The following TTC34 variants were observed in gnomAD, a reference collection of about 807,000 sequenced individuals.
TTC34 encodes tetratricopeptide repeat protein 34.
A neutral mutation model predicts 40.7 loss-of-function variants in TTC34; 44 were observed. The observed-to-expected ratio is 1.08, with a 90% CI of 0.85 to 1.39. The LOEUF (loss-of-function observed/expected upper bound fraction) is 1.39. Ranked by LOEUF, TTC34 falls within the 40% of genes most tolerant of loss-of-function variation. The probability of loss-of-function intolerance (pLI) is 0.00; values close to 1 mark genes in which losing one functional copy is unlikely to be tolerated. For missense variants in TTC34, 884 were observed against 838.0 expected, an observed-to-expected ratio of 1.05 and a Z score of -0.68; for synonymous variants, 422 against 398.6, an observed-to-expected ratio of 1.06 and a Z score of -0.70.
intron 6 of TTC34, among the ~76,000 whole-genome samples, chr1:2,674,868 G>T (rs1639837280): frequency 1.9e-5 from 2 of 104,384 alleles, no homozygotes; most frequent in African/African-American, 3.2e-5. Context: ...AGAGTCTGGA[G>T]CAGCGCCCAC....
chr1:2,684,951 C>A (rs547216292), intron 6 of TTC34, among the ~76,000 whole-genome samples: 1 of 134,178 alleles, frequency 7.5e-6, no homozygotes, highest in South Asian at 2.3e-4. Flanking sequence ...TGGAGCACCA[C>A]CCACACCCCC....
chr1:2,698,738 G>A (rs1241211052), intron 6 of TTC34, among the ~76,000 whole-genome samples: 3 of 141,636 alleles, frequency 2.1e-5, no homozygotes, highest in South Asian at 2.3e-4. Context: ...CCCCAGGCTT[G>A]CATCCGACAG....
At chr1:2,773,091 C>T (rs1642545510) in intron 6 of TTC34, among the ~76,000 whole-genome samples, 1 of 142,604 alleles carries the variant, frequency 7.0e-6, no homozygotes, top group Non-Finnish European at 1.5e-5. Context: ...TGGAGCAGCA[C>T]CCACACCCCC....
chr1:2,652,224 C>T (rs375975184), intron 6 of TTC34, among the ~76,000 whole-genome samples: 16 of 83,500 alleles, frequency 1.9e-4, no homozygotes, highest in South Asian at 3.3e-4. Context: ...GAGCATCTGA[C>T]GGCCTGGAAC....
intron 6 of TTC34, among the ~76,000 whole-genome samples, chr1:2,655,563 G>T (rs1377600020): frequency 7.7e-6 from 1 of 130,536 alleles, no homozygotes; most frequent in African/African-American, 3.0e-5. Context: ...GCCTGCAACA[G>T]CTCTCACAAC....
intron 6 of TTC34, among the ~76,000 whole-genome samples, chr1:2,761,222 T>C (rs1427123102): frequency 3.7e-5 from 1 of 27,160 alleles, no homozygotes; most frequent in Admixed American, 3.9e-4. Flanking sequence ...GAGGATGCGA[T>C]AGCCTGGAGC....
At chr1:2,752,455 C>T (rs1641354182) in intron 6 of TTC34, among the ~76,000 whole-genome samples, 10 of 144,296 alleles carry the variant, frequency 6.9e-5, no homozygotes, top group African/African-American at 2.6e-4. Flanking sequence ...CCTGCACCCC[C>T]AGGTGCGCAC....
At chr1:2,747,980 G>T (rs1349986317) in intron 6 of TTC34, among the ~76,000 whole-genome samples, 1 of 62,364 alleles carries the variant, frequency 1.6e-5, no homozygotes, top group Admixed American at 1.6e-4. Context: ...GCATCTGACA[G>T]CCTGGAGCAG....
intron 6 of TTC34, among the ~76,000 whole-genome samples, chr1:2,754,215 C>CA (rs1641423243): frequency 1.7e-5 from 1 of 60,272 alleles, no homozygotes; most frequent in Non-Finnish European, 2.8e-5. Flanking sequence ...ACAGAACCCA[C>CA]ACCCCCAGGT....
intron 6 of TTC34, among the ~76,000 whole-genome samples, chr1:2,768,590 A>G (rs1641878649): frequency 6.6e-6 from 1 of 152,050 alleles, no homozygotes; most frequent in Non-Finnish European, 1.5e-5. Flanking sequence ...CAGCCAGGTG[A>G]GCAGCTGAAA....
At chr1:2,685,949 A>T (rs1366491457) in intron 6 of TTC34, among the ~76,000 whole-genome samples, 4 of 143,484 alleles carry the variant, frequency 2.8e-5, no homozygotes, top group African/African-American at 1.1e-4. Context: ...AGCCGGGAAC[A>T]GCACCCACAC....
chr1:2,750,675 A>AACACCGT (rs1641288228), intron 6 of TTC34, among the ~76,000 whole-genome samples: 9 of 150,292 alleles, frequency 6.0e-5, no homozygotes, highest in Admixed American at 1.3e-4. Context: ...AGCCTGGAAC[A>AACACCGT]GCACCCTGCA....
rs1304655966 is a variant in TTC34 at position 2,641,491 on chromosome 1, C to CT, written c.3116dup (p.Arg1040AlafsTer56). ...CCGCCGTCCAGGCCTCTGCGTGACGCTGCTCCTCCAGGCAGCACTGCCCGC... is the reference window on the plus strand; with the variant it reads ...CCGCCGTCCAGGCCTCTGCGTGACGCTTGCTCCTCCAGGCAGCACTGCCCGC... On this transcript the variant is annotated frameshift_variant, in exon 9 of 9. Coordinates refer to ENST00000401095, the Ensembl canonical transcript of TTC34. LOFTEE classifies it low-confidence loss of function (END_TRUNC). 1 of 1,535,672 alleles carries CT rather than the reference C, an allele frequency of 6.5e-7. No individual in the cohort carries two copies. Among genetic ancestry groups the CT allele is most frequent in the East Asian group, 2.4e-5 (1 of 40,906 alleles).
exon 2 of TTC34, chr1:2,800,374 C>T (rs1430112502): frequency 1.5e-5 from 6 of 398,382 alleles, no homozygotes; most frequent in Non-Finnish European, 2.2e-5. Context: ...GCTGCCTGCA[C>T]CCCGGACAGG....
In TTC34 at chr1:2,698,719, C is replaced by T. The variant is rs1315108256; in HGVS notation, c.2227-53156G>A. On this transcript the variant is annotated intron_variant, in intron 6 of 8. Coordinates refer to ENST00000401095, the Ensembl canonical transcript of TTC34. ...GTGAGCATTCGACAGCCTGGAGCAG[C>T]ACCAACAACCCCAGGCTTGCATCCG... 1.5e-5 allele frequency among the ~76,000 whole-genome samples: 2 copies of T among 135,692 alleles called. 1 individual carries two copies. Among genetic ancestry groups the T allele is most frequent in the East Asian group, 4.4e-4 (2 of 4,518 alleles). 89.0% of individuals were successfully genotyped at this position (135,692 alleles called of 152,430 possible).
In TTC34 at chr1:2,801,207, C is replaced by T. The variant is rs1244736865; in HGVS notation, c.-41-339G>A. On this transcript the variant is annotated intron_variant, in intron 1 of 8. Transcript: ENST00000401095. Reference sequence around the variant, plus strand: ...GGTGGCCCGAGGTGTCAGGGCCCAGCAATAGGAACCCCGGACCCACCCTCT... The same window carrying T: ...GGTGGCCCGAGGTGTCAGGGCCCAGTAATAGGAACCCCGGACCCACCCTCT... Among the ~76,000 whole-genome samples the T allele has an allele frequency of 2.6e-5, 4 of 152,106 alleles. No homozygotes were observed. The South Asian group carries it at 8.3e-4, about 32-fold the overall frequency.
chr1:2,795,166 G>C (rs1643700083), intron 2 of TTC34, among the ~76,000 whole-genome samples: 1 of 152,160 alleles, frequency 6.6e-6, no homozygotes, highest in Non-Finnish European at 1.5e-5. Flanking sequence ...CAGGAGGACT[G>C]CTTGAGCCTG....
intron 7 of TTC34, 89 bp from the exon 8 acceptor site, chr1:2,644,567 C>A (rs977771275): frequency 3.7e-6 from 5 of 1,336,014 alleles, no homozygotes; most frequent in Non-Finnish European, 5.1e-6. Context: ...CTTCCCTGCC[C>A]TGTGCTGGCT....
chr1:2,747,656 A>C (rs1641196443), intron 6 of TTC34, among the ~76,000 whole-genome samples: 1 of 144,878 alleles, frequency 6.9e-6, no homozygotes, highest in African/African-American at 2.7e-5. Context: ...AGCATCTGAC[A>C]GCCTGGAACA....
Sources: gnomAD v4.1 joint callset for allele counts (sites outside exome capture counted in the v4.1 genomes callset) on GRCh38, gnomAD v4.1.1 for gene constraint, MANE v1.5 for transcripts, NCBI Gene and HGNC (gene_info 2026-07-23, HGNC 2026-07-21) for gene names.